Variants in XDH observed in about 807,000 individuals in gnomAD.
The protein encoded by XDH is xanthine dehydrogenase, also known as xanthine dehydrogenase/oxidase.
XDH carries 138 observed loss-of-function variants against 156.1 expected under a neutral mutation model. That is an observed-to-expected ratio of 0.88 (90% CI 0.77 to 1.02). The LOEUF (loss-of-function observed/expected upper bound fraction) is 1.02. XDH is among the 50% of genes least tolerant of loss of function. The pLI, the probability that XDH is intolerant of heterozygous loss-of-function variation, is 0.00. For missense variants in XDH, 1,849 were observed against 1,684.9 expected (o/e 1.10, Z -1.71); for synonymous variants, 669 against 625.7 (o/e 1.07, Z -1.03).
At chr2:31,350,618 C>T (rs1203110504) in intron 24 of XDH, among the ~76,000 whole-genome samples, 1 of 152,052 alleles carries the variant, frequency 6.6e-6, no homozygotes, top group Non-Finnish European at 1.5e-5. Context: ...TCGTGATCCG[C>T]CCGCCTTGGC....
At chr2:31,345,259 C>G (rs1255590405) in intron 30 of XDH, among the ~76,000 whole-genome samples, 2 of 152,172 alleles carry the variant, frequency 1.3e-5, no homozygotes, top group Non-Finnish European at 2.9e-5. Flanking sequence ...CAAACTTGCC[C>G]TCCATTCTCC....
At chr2:31,375,023 CTTTTTTTTT>C (rs60340656) in intron 15 of XDH, among the ~76,000 whole-genome samples, 3 of 92,338 alleles carry the variant, frequency 3.2e-5, no homozygotes, top group South Asian at 3.7e-4. Flanking sequence ...TTCTTTCTTT[CTTTTTTTTT>C]TTTTTTTTTT....
chr2:31,341,092 T>C (rs1685111336), intron 33 of XDH, among the ~76,000 whole-genome samples: 1 of 152,224 alleles, frequency 6.6e-6, no homozygotes, highest in African/African-American at 2.4e-5. Flanking sequence ...TTTCTCATCT[T>C]GTTTTTGAGT....
At chr2:31,405,821 C>A (rs1687177097) in intron 2 of XDH, 86 bp downstream of exon 2, 1 of 1,517,432 alleles carries the variant, frequency 6.6e-7, no homozygotes, top group Admixed American at 1.7e-5. Context: ...GGCCACCCCA[C>A]CAGTCACTAG....
chr2:31,379,883 A>G lies in XDH; in HGVS notation c.1226T>C (p.Ile409Thr). Residue 409 changes from isoleucine to threonine, a missense_variant, in exon 13 of 36, where the codon ATC (isoleucine) becomes ACC (threonine). Ile to Thr is a moderately conservative substitution (Grantham distance 89, BLOSUM62 -1). Coordinates refer to ENST00000379416, the MANE Select transcript of XDH (RefSeq NM_000379.4). ...ACATCTCACCTCCCTGCTGTAGGGGATCTCTATGGAGAGCAGTATCTCCTC... is the reference window on the plus strand; with the variant it reads ...ACATCTCACCTCCCTGCTGTAGGGGGTCTCTATGGAGAGCAGTATCTCCTC... ...SPEEILLSIE[I>T]PYSREGEYFS... 6.2e-7 allele frequency: 1 copy of G among 1,614,086 alleles called. No homozygotes were observed. Among genetic ancestry groups the G allele is most frequent in the Non-Finnish European group, 8.5e-7 (1 of 1,179,996 alleles).
intron 11 of XDH, among the ~76,000 whole-genome samples, chr2:31,382,252 C>G (rs1016019850): frequency 3.3e-5 from 5 of 151,884 alleles, no homozygotes; most frequent in Admixed American, 6.6e-5. Context: ...TAGATTTTAG[C>G]AGAACTAGGG....
At position 31,337,721 on chromosome 2, in the gene XDH, C is replaced by T. The variant is rs191740294; in HGVS notation, c.3871G>A (p.Val1291Met). 1.1e-4 allele frequency: 176 copies of T among 1,614,196 alleles called. No homozygotes were observed. In the Admixed American group the frequency reaches 2.1e-3, roughly 19 times the overall value. ...CTGTCTAGCCGGAAGAGTTCCTTCA[C>T]GTTATTACCTGTGTGCTGAGCTCGA... is the stretch of plus-strand genomic sequence containing the variant. ...AARAQHTGNNVKELFRLDSPA... is the reference protein window; with the variant it reads ...AARAQHTGNNMKELFRLDSPA... Residue 1291 changes from valine (V) to methionine (M), a missense_variant, in exon 35 of 36, where the codon GTG becomes ATG. Physicochemically the swap from Val to Met is conservative, Grantham distance 21. Transcript: ENST00000379416.
chr2:31,360,279 C>A (rs879503961), intron 24 of XDH, among the ~76,000 whole-genome samples: 54 of 152,300 alleles, frequency 3.5e-4, no homozygotes, highest in Non-Finnish European at 5.9e-4. Context: ...GGGTGGATCA[C>A]CCGAGGTCAG....
At chr2:31,342,736 TGA>T (rs45564545) in intron 31 of XDH, among the ~76,000 whole-genome samples, 146,955 of 152,200 alleles carry the variant, frequency 0.97, 70,960 homozygotes, top group East Asian at 1. Context: ...CTTCTCAAGG[TGA>T]GAAAGTTAAT....
At chr2:31,396,903 T>C (rs1290018103) in intron 6 of XDH, among the ~76,000 whole-genome samples, 1 of 152,196 alleles carries the variant, frequency 6.6e-6, no homozygotes, top group Non-Finnish European at 1.5e-5. Context: ...CACAGCACTC[T>C]TTTTCATGAT....
chr2:31,384,082 T>G, intron 9 of XDH: 1 of 507,358 alleles, frequency 2.0e-6, no homozygotes. Flanking sequence ...TCAAAAAACC[T>G]ACCTGAATTC....
rs541076722 is a variant in XDH, at chr2:31,349,857, C to G, written c.2824-26G>C. The G allele has an allele frequency of 1.5e-5, 24 of 1,613,314 alleles. No individual in the cohort carries two copies. The South Asian group carries it at 2.2e-4, about 15-fold the overall frequency. On this transcript the variant is annotated intron_variant, in intron 25 of 35. Transcript: ENST00000379416. ...CTTCCCAAGGAGAGAGACACAGAGG[C>G]CTTGTTGGCGGCAAGAGACTGTGGG... is the stretch of plus-strand genomic sequence containing the variant.
At chr2:31,407,230 G>C (rs952649455) in intron 1 of XDH, among the ~76,000 whole-genome samples, 2 of 152,166 alleles carry the variant, frequency 1.3e-5, no homozygotes, top group African/African-American at 2.4e-5. Context: ...CATAGGGGAA[G>C]AGATAGGCTT....
chr2:31,349,950 G>T lies in XDH; in HGVS notation c.2823+82C>A, dbSNP rs1405276855. Reference sequence around the variant, plus strand: ...GCCCCTGCCTGTCATCTGCCCCCATGGGAGATGCCCAAGATACAAAGCCGC... The same window carrying T: ...GCCCCTGCCTGTCATCTGCCCCCATTGGAGATGCCCAAGATACAAAGCCGC... On this transcript the variant is annotated intron_variant, in intron 25 of 35. Coordinates refer to ENST00000379416, the MANE Select transcript of XDH (RefSeq NM_000379.4). 9 of 1,608,430 alleles carry T rather than the reference G, an allele frequency of 5.6e-6. No individual in the cohort carries two copies. In the East Asian group the frequency reaches 1.8e-4, roughly 32 times the overall value.
At chr2:31,338,430 C>T (rs1572506499) in intron 34 of XDH, among the ~76,000 whole-genome samples, 1 of 152,118 alleles carries the variant, frequency 6.6e-6, no homozygotes, top group Non-Finnish European at 1.5e-5. Context: ...GGCGTGGGCC[C>T]CAGAAAGGCA....
intron 31 of XDH, 105 bp downstream of exon 31, chr2:31,344,579 C>G: frequency 7.8e-7 from 1 of 1,289,376 alleles, no homozygotes; most frequent in East Asian, 2.3e-5. Context: ...ATAAGTGGAG[C>G]TGCTCTCTCC....
chr2:31,404,298 G>C (rs1464134335), intron 2 of XDH, among the ~76,000 whole-genome samples: 1 of 152,150 alleles, frequency 6.6e-6, no homozygotes, highest in Non-Finnish European at 1.5e-5. Context: ...AACTTTGGGG[G>C]CACCTGAAGA....
rs190509517 is a variant in XDH, at chr2:31,386,293, G to C, written c.793+121C>G. ...ATTTCCAGTGGGCTCCAGGTAGTCA[G>C]TGGGGCAGAGGGATAGGGTGCAGAG... On this transcript the variant is annotated intron_variant, in intron 9 of 35. Coordinates refer to ENST00000379416, the MANE Select transcript of XDH (RefSeq NM_000379.4). 186 of 1,360,086 alleles carry C rather than the reference G, an allele frequency of 1.4e-4. No individual in the cohort carries two copies. In the East Asian group the frequency reaches 4.2e-3, roughly 31 times the overall value. 84.3% of individuals were successfully genotyped at this position (1,360,086 alleles called of 1,614,324 possible). A position where few individuals can be genotyped will look rare whatever the true frequency, so the allele number is the denominator to read the frequency against.
intron 1 of XDH, among the ~76,000 whole-genome samples, chr2:31,413,999 C>T (rs45503200): frequency 0.02 from 3,008 of 152,108 alleles, 88 homozygotes; most frequent in African/African-American, 0.068. Context: ...AACAGATTTG[C>T]AGCTTACATG....
Sources: gnomAD v4.1 joint callset for allele counts (sites outside exome capture counted in the v4.1 genomes callset) on GRCh38, gnomAD v4.1.1 for gene constraint, MANE v1.5 for transcripts, NCBI Gene and HGNC (gene_info 2026-07-23, HGNC 2026-07-21) for gene names.